The following PCBD2 variants were observed in gnomAD, a reference collection of about 807,000 sequenced individuals.
The protein encoded by PCBD2 is pterin-4 alpha-carbinolamine dehydratase 2.
PCBD2 carries 12 observed loss-of-function variants against 16.4 expected under a neutral mutation model. That is an observed-to-expected ratio of 0.73 (90% CI 0.47 to 1.19). The LOEUF is 1.19. Among genes scored for constraint, PCBD2 ranks in the 50% most tolerant of loss-of-function variants. PCBD2 has a pLI of 0.00. For synonymous variants in PCBD2, 58 were observed against 61.8 expected (o/e 0.94, Z 0.29); for missense variants, 138 against 156.8 (o/e 0.88, Z 0.64).
chr5:134,944,776 A>G (rs1205180444), intron 2 of PCBD2, among the ~76,000 whole-genome samples: 4 of 152,216 alleles, frequency 2.6e-5, no homozygotes, highest in Non-Finnish European at 5.9e-5. Context: ...GGTTGGCTGC[A>G]TTTATTCTGC....
intron 2 of PCBD2, among the ~76,000 whole-genome samples, chr5:134,946,875 A>G (rs1230944480): frequency 6.6e-6 from 1 of 152,150 alleles, no homozygotes; most frequent in East Asian, 1.9e-4. Flanking sequence ...AGCTTAACAC[A>G]TCCCAACTTA....
In PCBD2 at chr5:134,962,029, A is replaced by G. The variant is rs1751483711; in HGVS notation, c.*1348A>G. On this transcript the variant is annotated 3_prime_UTR_variant, in exon 4 of 4. Transcript: ENST00000254908. ...TCCCACCTCTGCCTCCCAAAGTCCA[A>G]GGATTACAGGTGTGAGCCATTGCCC... Among the ~76,000 whole-genome samples, 1 of 151,232 alleles carries G rather than the reference A, an allele frequency of 6.6e-6. No homozygotes were observed. The highest frequency in any genetic ancestry group is 6.6e-5 in the Admixed American group (1 of 15,166).
At chr5:134,906,384 T>C (rs912399878) in intron 1 of PCBD2, among the ~76,000 whole-genome samples, 4 of 151,640 alleles carry the variant, frequency 2.6e-5, no homozygotes, top group African/African-American at 9.7e-5. Flanking sequence ...TTTTGTATTT[T>C]TAGTAGAGGC....
At position 134,961,969 on chromosome 5, in the gene PCBD2, C is replaced by G. The variant is rs1443665305; in HGVS notation, c.*1288C>G. 6.6e-6 allele frequency among the ~76,000 whole-genome samples: 1 copy of G among 152,096 alleles called. No individual in the cohort carries two copies. Among genetic ancestry groups the G allele is most frequent in the African/African-American group, 2.4e-5 (1 of 41,396 alleles). ...TAGAGATGGGGTCTCCCATCTTGCC[C>G]AGGCTGGCCTTGAACTCTTGGGCTC... is the stretch of plus-strand genomic sequence containing the variant. On this transcript the variant is annotated 3_prime_UTR_variant, in exon 4 of 4. Coordinates refer to ENST00000254908, the MANE Select transcript of PCBD2 (RefSeq NM_032151.5).
chr5:134,916,972 A>G (rs1340738210), intron 2 of PCBD2, among the ~76,000 whole-genome samples: 5 of 152,178 alleles, frequency 3.3e-5, no homozygotes, highest in South Asian at 2.1e-4. Context: ...GGCATTTGTA[A>G]AGGAACTTTG....
chr5:134,951,272 A>G (rs1751356047), intron 2 of PCBD2, among the ~76,000 whole-genome samples: 4 of 152,168 alleles, frequency 2.6e-5, no homozygotes, highest in East Asian at 1.9e-4. Context: ...TATATGCTTC[A>G]TGAACTATTG....
chr5:134,927,090 A>G (rs1157143709), intron 2 of PCBD2: 2 of 398,456 alleles, frequency 5.0e-6, no homozygotes, highest in South Asian at 1.3e-4. Context: ...GTGGGCGACT[A>G]TGAGAATGAC....
intron 2 of PCBD2, among the ~76,000 whole-genome samples, chr5:134,914,172 T>C (rs1268323689): frequency 1.3e-5 from 2 of 152,070 alleles, no homozygotes; most frequent in East Asian, 3.9e-4. Flanking sequence ...GATATGTCCA[T>C]TGTGGTTTAG....
chr5:134,945,124 A>G (rs1207843135), intron 2 of PCBD2, among the ~76,000 whole-genome samples: 2 of 152,228 alleles, frequency 1.3e-5, no homozygotes, highest in Admixed American at 6.5e-5. Context: ...TGAAATAATA[A>G]ACTTGTAAAA....
intron 2 of PCBD2, chr5:134,926,353 A>C: frequency 2.7e-6 from 1 of 376,234 alleles, no homozygotes. Context: ...AATGGATTTT[A>C]CTTAATGGGG....
chr5:134,960,603 C>T lies in PCBD2; in HGVS notation c.315C>T (p.Thr105=), dbSNP rs754478477. The T allele has an allele frequency of 2.5e-6, 4 of 1,611,390 alleles. No individual in the cohort carries two copies. Among genetic ancestry groups the T allele is most frequent in the Non-Finnish European group, 2.5e-6 (3 of 1,178,098 alleles). ...TTTCTTAGGTCCAGATAACTCTCAC[C>T]TCACATGACTGTGGTGAACTGACCA... ...NVYNKVQITL[T]SHDCGELTKK... is the part of the protein sequence containing the mutation. Residue 105 remains threonine, a synonymous_variant, in exon 4 of 4, where the codon ACC becomes ACT. Coordinates refer to ENST00000254908, the MANE Select transcript of PCBD2 (RefSeq NM_032151.5).
chr5:134,959,723 C>CA (rs988470745), intron 3 of PCBD2, among the ~76,000 whole-genome samples: 4 of 152,230 alleles, frequency 2.6e-5, no homozygotes, highest in Non-Finnish European at 5.9e-5. Flanking sequence ...TCACAATACT[C>CA]ACGTGACTTA....
chr5:134,922,663 CTTTT>C (rs1428418013), intron 2 of PCBD2, among the ~76,000 whole-genome samples: 2 of 135,850 alleles, frequency 1.5e-5, no homozygotes, highest in Non-Finnish European at 3.2e-5. Context: ...GAAGGAAAAT[CTTTT>C]TTTTTTTTTT....
intron 2 of PCBD2, among the ~76,000 whole-genome samples, chr5:134,942,104 C>T (rs1263592035): frequency 2.4e-5 from 3 of 127,558 alleles, no homozygotes; most frequent in Non-Finnish European, 4.6e-5. Context: ...GCACTCCAGC[C>T]TGGGCAATAG....
At chr5:134,919,316 T>G (rs1750874655) in intron 2 of PCBD2, among the ~76,000 whole-genome samples, 2 of 152,230 alleles carry the variant, frequency 1.3e-5, no homozygotes, top group South Asian at 4.1e-4. Context: ...GATTAATGCA[T>G]TCATTGCTTT....
intron 2 of PCBD2, 25 bp downstream of exon 2, chr5:134,910,491 G>C (rs1309852985): frequency 2.5e-6 from 4 of 1,612,470 alleles, no homozygotes; most frequent in Non-Finnish European, 3.4e-6. Flanking sequence ...TTCTTGCTAG[G>C]GCTGTGGTCT....
At chr5:134,935,352 C>A (rs924662285) in intron 2 of PCBD2, among the ~76,000 whole-genome samples, 8 of 152,204 alleles carry the variant, frequency 5.3e-5, no homozygotes, top group Admixed American at 3.9e-4. Flanking sequence ...TACATGCCCT[C>A]ATCCCTTTCC....
intron 2 of PCBD2, among the ~76,000 whole-genome samples, chr5:134,932,104 C>T (rs564148695): frequency 7.2e-5 from 11 of 152,236 alleles, no homozygotes; most frequent in Middle Eastern, 3.4e-3. Flanking sequence ...AGCCACTAAC[C>T]GTATAGCTGT....
At chr5:134,932,071 T>C (rs941727959) in intron 2 of PCBD2, among the ~76,000 whole-genome samples, 8 of 152,186 alleles carry the variant, frequency 5.3e-5, no homozygotes. Flanking sequence ...AGTGGAACTC[T>C]GCATACAGAA....
Sources: allele counts gnomAD v4.1 joint callset (sites outside exome capture counted in the v4.1 genomes callset), GRCh38; gene constraint gnomAD v4.1.1; transcripts MANE v1.5; gene names NCBI Gene and HGNC (gene_info 2026-07-23, HGNC 2026-07-21).